The following PURB variants were observed in gnomAD, a reference collection of about 807,000 sequenced individuals.
The protein encoded by PURB is transcriptional regulator protein Pur-beta.
In PURB, 11 loss-of-function variants were observed where a neutral mutation model predicts 21.1. The observed-to-expected ratio is 0.52, with a 90% confidence interval of 0.33 to 0.86. PURB has a LOEUF of 0.86. Among genes scored for constraint, PURB ranks in the 40% least tolerant of loss-of-function variants. The pLI, the probability that PURB is intolerant of heterozygous loss-of-function variation, is 0.02. For missense variants in PURB, 357 were observed against 456.5 expected (o/e 0.78, Z 1.99); for synonymous variants, 246 against 210.8 (o/e 1.17, Z -1.45).
chr7:44,884,873 G>C lies in PURB; in HGVS notation c.476C>G (p.Ala159Gly). 1 of 1,557,054 alleles carries C rather than the reference G, an allele frequency of 6.4e-7. No individual in the cohort carries two copies. The highest frequency in any genetic ancestry group is 8.7e-7 in the Non-Finnish European group (1 of 1,153,774). ...CTGCAAGCCGCCCGGCCCGGGGCCC[G>C]CGCCGAAGCCGCCACCGCCGCGGTT... is the stretch of plus-strand genomic sequence containing the variant. ...TVNRGGGGFG[A>G]GPGPGGLQSG... The change falls in exon 1 of 1, where the codon GCG (alanine) becomes GGG (glycine). Residue 159 changes from alanine (A) to glycine (G), a missense_variant. Ala to Gly is a moderately conservative substitution (Grantham distance 60, BLOSUM62 0). Coordinates refer to ENST00000395699, the MANE Select transcript of PURB (RefSeq NM_033224.5).
At position 44,882,539 on chromosome 7, in the gene PURB, C is replaced by T. The variant is rs1440483123; in HGVS notation, c.*1871G>A. On this transcript the variant is annotated 3_prime_UTR_variant, in exon 1 of 1. Coordinates refer to ENST00000395699, the MANE Select transcript of PURB (RefSeq NM_033224.5). ...TTTTAAAAAAGCCTAATTTTATGTA[C>T]ACAATTATTTCCCGCCCTCTCAGCC... The T allele has an allele frequency of 6.6e-6, 1 of 152,334 alleles. No individual in the cohort carries two copies. The highest frequency in any genetic ancestry group is 1.5e-5 in the Non-Finnish European group (1 of 68,010). 9.4% of individuals were successfully genotyped at this position (152,334 alleles called of 1,614,324 possible). A position where few individuals can be genotyped will look rare whatever the true frequency, so the allele number is the denominator to read the frequency against.
Position 44,881,852 on chromosome 7 carries a change from G to C in PURB, c.*2558C>G, listed in dbSNP as rs1793880618. 1 of 154,626 alleles carries C rather than the reference G, an allele frequency of 6.5e-6. No homozygotes were observed. Among genetic ancestry groups the C allele is most frequent in the African/African-American group, 2.4e-5 (1 of 41,474 alleles). The allele number at this position is 154,626 out of a possible 1,614,324, so 9.6% of individuals were successfully genotyped here. A position where few individuals can be genotyped will look rare whatever the true frequency, so the allele number is the denominator to read the frequency against. ...GTAGCCACTGGTGAAGGATTGTGAA[G>C]ACCCTGTCATTTCTACAGAATAGAA... On this transcript the variant is annotated 3_prime_UTR_variant, in exon 1 of 1. Transcript: ENST00000395699.
In PURB at chr7:44,885,492, C is replaced by G. The variant is rs1793946609; in HGVS notation, c.-144G>C. 5.7e-6 allele frequency: 1 copy of G among 174,500 alleles called. No individual in the cohort carries two copies. Among genetic ancestry groups the G allele is most frequent in the Non-Finnish European group, 1.1e-5 (1 of 88,404 alleles). 10.8% of individuals were successfully genotyped at this position (174,500 alleles called of 1,614,324 possible). On this transcript the variant is annotated 5_prime_UTR_variant, in exon 1 of 1. Transcript: ENST00000395699. ...TCGCCGGCCGCCGCCGCCCCCCCATCGCCTCCGCGCCCCGCCCCCGCGACT... is the reference window on the plus strand; with the variant it reads ...TCGCCGGCCGCCGCCGCCCCCCCATGGCCTCCGCGCCCCGCCCCCGCGACT...
In PURB at chr7:44,884,481, G is replaced by T; in HGVS notation, c.868C>A (p.Leu290Ile). The change falls in exon 1 of 1, where the codon CTT becomes ATT. Residue 290 changes from leucine (L) to isoleucine (I), a missense_variant. Coordinates refer to ENST00000395699, the MANE Select transcript of PURB (RefSeq NM_033224.5). Reference protein sequence around the residue: ...KEIQERQRDKLYERRGGGSGG... With the variant: ...KEIQERQRDKIYERRGGGSGG... ...CTGCCCCCACCACGTCGCTCATAAA[G>T]CTTATCCCTCTGTCGTTCCTGGATT... 6.2e-7 allele frequency: 1 copy of T among 1,613,904 alleles called. No homozygotes were observed.
In PURB at chr7:44,885,401, T is replaced by A. The variant is rs1272538460; in HGVS notation, c.-53A>T. The A allele has an allele frequency of 1.4e-6, 1 of 718,028 alleles. No homozygotes were observed. The highest frequency in any genetic ancestry group is 1.7e-6 in the Non-Finnish European group (1 of 581,588). 44.5% of individuals were successfully genotyped at this position (718,028 alleles called of 1,614,324 possible). On this transcript the variant is annotated 5_prime_UTR_variant, in exon 1 of 1. Coordinates refer to ENST00000395699, the MANE Select transcript of PURB (RefSeq NM_033224.5). ...GCCCGCCGCGCTCGCGCCCCCGCCC[T>A]CCGGCTCGCGCTCCGGGGCCCCCCA...
chr7:44,884,513 A>G lies in PURB; in HGVS notation c.836T>C (p.Met279Thr), dbSNP rs566774129. 6.2e-7 allele frequency: 1 copy of G among 1,613,978 alleles called. No individual in the cohort carries two copies. The highest frequency in any genetic ancestry group is 1.7e-5 in the Admixed American group (1 of 60,006). The change falls in exon 1 of 1, where the codon ATG becomes ACG. Residue 279 changes from methionine to threonine, a missense_variant. Physicochemically the swap from Met to Thr is moderately conservative, Grantham distance 81 (BLOSUM62 -1). Coordinates refer to ENST00000395699, the MANE Select transcript of PURB (RefSeq NM_033224.5). ...CCTCTGTCGTTCCTGGATTTCTTTC[A>G]TCTCATCCGCATACCGGCAAAAGGC... Reference protein sequence around the residue: ...GGAFCRYADEMKEIQERQRDK... With the variant: ...GGAFCRYADETKEIQERQRDK...
rs540444118 is a variant in PURB, at chr7:44,884,108, C to G, written c.*302G>C. On this transcript the variant is annotated 3_prime_UTR_variant, in exon 1 of 1. Transcript: ENST00000395699. ...GGATCTATTCCCTCCAGGGATTATCCTGATGGGTTTACGAACCTCAGTTGA... is the reference window on the plus strand; with the variant it reads ...GGATCTATTCCCTCCAGGGATTATCGTGATGGGTTTACGAACCTCAGTTGA... 1 of 511,762 alleles carries G rather than the reference C, an allele frequency of 2.0e-6. No homozygotes were observed. Among genetic ancestry groups the G allele is most frequent in the East Asian group, 3.8e-5 (1 of 26,180 alleles). The allele number at this position is 511,762 out of a possible 1,614,324, so 31.7% of individuals were successfully genotyped here.
chr7:44,882,503 A>G lies in PURB; in HGVS notation c.*1907T>C, dbSNP rs2128691851. 6.5e-6 allele frequency: 1 copy of G among 152,700 alleles called. No homozygotes were observed. The allele number at this position is 152,700 out of a possible 1,614,324, so 9.5% of individuals were successfully genotyped here. A position where few individuals can be genotyped will look rare whatever the true frequency, so the allele number is the denominator to read the frequency against. ...TCTAAGATCAACAATATTCTGCATC[A>G]TAATCTATTTTTTTAAAAAAGCCTA... On this transcript the variant is annotated 3_prime_UTR_variant, in exon 1 of 1. Transcript: ENST00000395699.
rs1029380834 is a variant in PURB, at chr7:44,882,174, A to C, written c.*2236T>G. 38 of 152,728 alleles carry C rather than the reference A, an allele frequency of 2.5e-4. No individual in the cohort carries two copies. Among genetic ancestry groups the C allele is most frequent in the African/African-American group, 8.4e-4 (35 of 41,588 alleles). 9.5% of individuals were successfully genotyped at this position (152,728 alleles called of 1,614,324 possible). A position where few individuals can be genotyped will look rare whatever the true frequency, so the allele number is the denominator to read the frequency against. ...TGCTAGCTTCTCAGCTCCTTTACTA[A>C]AACTATTTAGGAATTTGTTCTCCGC... On this transcript the variant is annotated 3_prime_UTR_variant, in exon 1 of 1. Transcript: ENST00000395699.
In PURB at chr7:44,884,046, G is replaced by A. The variant is rs1047769342; in HGVS notation, c.*364C>T. 2.7e-5 allele frequency: 8 copies of A among 295,200 alleles called. No homozygotes were observed. The allele number at this position is 295,200 out of a possible 1,614,324, so 18.3% of individuals were successfully genotyped here. A position where few individuals can be genotyped will look rare whatever the true frequency, so the allele number is the denominator to read the frequency against. On this transcript the variant is annotated 3_prime_UTR_variant, in exon 1 of 1. Transcript: ENST00000395699. ...TAAATGCAACTGTTATCAATGGTCT[G>A]GGTAACTTGGACATGTTTCTTGCCC...
chr7:44,880,103 A>G lies in PURB; in HGVS notation c.*4307T>C, dbSNP rs1793855741. On this transcript the variant is annotated 3_prime_UTR_variant, in exon 1 of 1. Coordinates refer to ENST00000395699, the MANE Select transcript of PURB (RefSeq NM_033224.5). The stretch of plus-strand genomic sequence containing the variant: ...GGACATCAAAACAGTCAACTTTGTT[A>G]TTCATCAGAGCAATTCTGATACTTC... 1 of 152,210 alleles carries G rather than the reference A, an allele frequency of 6.6e-6. No individual in the cohort carries two copies. The highest frequency in any genetic ancestry group is 2.1e-4 in the South Asian group (1 of 4,834). The allele number at this position is 152,210 out of a possible 1,614,324, so 9.4% of individuals were successfully genotyped here.
At position 44,884,806 on chromosome 7, in the gene PURB, C is replaced by T; in HGVS notation, c.543G>A (p.Glu181=). The stretch of plus-strand genomic sequence containing the variant: ...TGAGCTTCGCCAGCGCGTCGCGGAA[C>T]TCGATGAGGCCCTGCGCAGGCAGCG... ...TIALPAQGLI[E]FRDALAKLID... is the part of the protein sequence containing the mutation. The change falls in exon 1 of 1, where the codon GAG becomes GAA. Residue 181 remains glutamate (E), a synonymous_variant. Coordinates refer to ENST00000395699, the MANE Select transcript of PURB (RefSeq NM_033224.5). 2.5e-6 allele frequency: 4 copies of T among 1,597,790 alleles called. No homozygotes were observed. The highest frequency in any genetic ancestry group is 1.1e-5 in the South Asian group (1 of 90,316).
rs1454067269 is a variant in PURB, at chr7:44,883,559, CCTGA to C, written c.*847_*850del. The C allele has an allele frequency of 1.6e-4, 24 of 152,728 alleles. No individual in the cohort carries two copies. Among genetic ancestry groups the C allele is most frequent in the African/African-American group, 5.1e-4 (21 of 41,572 alleles). 9.5% of individuals were successfully genotyped at this position (152,728 alleles called of 1,614,324 possible). The stretch of plus-strand genomic sequence containing the variant: ...CAAACAGTCTGCCTTGTGCTTTATG[CCTGA>C]CTTTTTCTTGTGCCTACCTCAGCAA... On this transcript the variant is annotated 3_prime_UTR_variant, in exon 1 of 1. Transcript: ENST00000395699.
Position 44,878,620 on chromosome 7 carries a change from T to C in PURB, c.*5790A>G, listed in dbSNP as rs1053979990. ...CAAATTAAATGACTGTGAATAGAGG[T>C]GATTACACTGATGGCATATTCCCTA... On this transcript the variant is annotated 3_prime_UTR_variant, in exon 1 of 1. Coordinates refer to ENST00000395699, the MANE Select transcript of PURB (RefSeq NM_033224.5). 3 of 152,650 alleles carry C rather than the reference T, an allele frequency of 2.0e-5. No homozygotes were observed. Among genetic ancestry groups the C allele is most frequent in the Admixed American group, 6.5e-5 (1 of 15,278 alleles). The allele number at this position is 152,650 out of a possible 1,614,324, so 9.5% of individuals were successfully genotyped here. A position where few individuals can be genotyped will look rare whatever the true frequency, so the allele number is the denominator to read the frequency against.
In PURB at chr7:44,877,593, A is replaced by T. The variant is rs1007512669; in HGVS notation, c.*6817T>A. The stretch of plus-strand genomic sequence containing the variant: ...TGAGGCGGGCAGATCACTTGAGGTC[A>T]GGAGTTCGAGACCAGCCTGGCCAAC... On this transcript the variant is annotated 3_prime_UTR_variant, in exon 1 of 1. Transcript: ENST00000395699. 3 of 152,202 alleles carry T rather than the reference A, an allele frequency of 2.0e-5. No homozygotes were observed. The highest frequency in any genetic ancestry group is 4.4e-5 in the Non-Finnish European group (3 of 68,068). The allele number at this position is 152,202 out of a possible 1,614,324, so 9.4% of individuals were successfully genotyped here.
chr7:44,884,216 C>T lies in PURB; in HGVS notation c.*194G>A. On this transcript the variant is annotated 3_prime_UTR_variant, in exon 1 of 1. Coordinates refer to ENST00000395699, the MANE Select transcript of PURB (RefSeq NM_033224.5). ...GCAGGTTGCTGTCAGTTCCTTGGAACTTGACTGCTTTTCTCAAGTTGTCCG... is the reference window on the plus strand; with the variant it reads ...GCAGGTTGCTGTCAGTTCCTTGGAATTTGACTGCTTTTCTCAAGTTGTCCG... The T allele has an allele frequency of 7.5e-7, 1 of 1,325,410 alleles. No homozygotes were observed. 82.1% of individuals were successfully genotyped at this position (1,325,410 alleles called of 1,614,324 possible).
chr7:44,885,092 G>A lies in PURB; in HGVS notation c.257C>T (p.Ser86Leu). The A allele has an allele frequency of 6.3e-7, 1 of 1,575,868 alleles. No homozygotes were observed. The highest frequency in any genetic ancestry group is 8.6e-7 in the Non-Finnish European group (1 of 1,166,044). Residue 86 changes from serine to leucine, a missense_variant, in exon 1 of 1, where the codon TCG becomes TTG. Physicochemically the swap from Ser to Leu is moderately radical, Grantham distance 145. Coordinates refer to ENST00000395699, the MANE Select transcript of PURB (RefSeq NM_033224.5). ...GTAGTGTTCTATGAAGTCGCCCAGC[G>A]AGTCGCGGAACTCGGCGGCCACCGC... ...SMAVAAEFRD[S>L]LGDFIEHYAQ...
chr7:44,885,023 G>T lies in PURB; in HGVS notation c.326C>A (p.Ala109Asp). 1 of 1,544,594 alleles carries T rather than the reference G, an allele frequency of 6.5e-7. No individual in the cohort carries two copies. The highest frequency in any genetic ancestry group is 1.4e-5 in the African/African-American group (1 of 71,094). ...PSSPEQLAAG[A>D]EEGGGPRRAL... is the part of the protein sequence containing the mutation. ...GCGCCGCGGCCCGCCGCCCTCCTCG[G>T]CGCCAGCCGCCAGCTGCTCGGGGCT... Residue 109 changes from alanine to aspartate, a missense_variant, in exon 1 of 1, where the codon GCC becomes GAC. Ala to Asp is a moderately radical substitution (Grantham distance 126, BLOSUM62 -2). Coordinates refer to ENST00000395699, the MANE Select transcript of PURB (RefSeq NM_033224.5).
chr7:44,878,725 G>T lies in PURB; in HGVS notation c.*5685C>A, dbSNP rs1304151989. The T allele has an allele frequency of 6.6e-6, 1 of 152,538 alleles. No individual in the cohort carries two copies. The highest frequency in any genetic ancestry group is 2.4e-5 in the African/African-American group (1 of 41,422). The allele number at this position is 152,538 out of a possible 1,614,324, so 9.4% of individuals were successfully genotyped here. ...CAGATATCAATTGGGAATCTCTAAGGTAATAAGTTTTCTTGATGCGATTTT... is the reference window on the plus strand; with the variant it reads ...CAGATATCAATTGGGAATCTCTAAGTTAATAAGTTTTCTTGATGCGATTTT... On this transcript the variant is annotated 3_prime_UTR_variant, in exon 1 of 1. Transcript: ENST00000395699.
Sources: allele counts gnomAD v4.1 joint callset, GRCh38; gene constraint gnomAD v4.1.1; transcripts MANE v1.5; gene names NCBI Gene and HGNC (gene_info 2026-07-23, HGNC 2026-07-21).